Variants in SMOC1 observed in about 807,000 individuals in gnomAD.
The protein encoded by SMOC1 is SPARC related modular calcium binding 1, also known as SPARC-related modular calcium-binding protein 1.
Under a neutral mutation model 56.3 loss-of-function variants are expected in SMOC1, and 22 were observed. The observed-to-expected ratio is 0.39, with a 90% CI of 0.28 to 0.56. The LOEUF is 0.56. Among genes scored for constraint, SMOC1 ranks in the 20% least tolerant of loss-of-function variants. The pLI is 0.61. For missense variants in SMOC1, 509 were observed against 565.4 expected (o/e 0.90, Z 1.01); for synonymous variants, 193 against 215.0 (o/e 0.90, Z 0.89).
intron 10 of SMOC1, among the ~76,000 whole-genome samples, chr14:70,022,530 T>A (rs1732068103): frequency 6.6e-6 from 1 of 152,226 alleles, no homozygotes; most frequent in Non-Finnish European, 1.5e-5. Context: ...CCCCAGTAGG[T>A]CCCGGCTTTT....
intron 1 of SMOC1, among the ~76,000 whole-genome samples, chr14:69,899,964 G>A (rs1884199316): frequency 6.6e-6 from 1 of 152,212 alleles, no homozygotes; most frequent in African/African-American, 2.4e-5. Context: ...AATGAGAATT[G>A]TTGATTTTCA....
At chr14:69,981,958 G>C (rs1338478909) in intron 5 of SMOC1, among the ~76,000 whole-genome samples, 4 of 152,156 alleles carry the variant, frequency 2.6e-5, no homozygotes, top group Non-Finnish European at 5.9e-5. Flanking sequence ...AGCCTCTGGT[G>C]GGGTGAAGGG....
At chr14:70,005,569 T>A (rs1012603155) in intron 7 of SMOC1, among the ~76,000 whole-genome samples, 2 of 152,160 alleles carry the variant, frequency 1.3e-5, no homozygotes, top group Non-Finnish European at 2.9e-5. Flanking sequence ...GTGGACATGG[T>A]TTCACTTCTA....
intron 7 of SMOC1, among the ~76,000 whole-genome samples, chr14:70,005,512 T>A (rs1015344620): frequency 2.0e-5 from 3 of 152,228 alleles, no homozygotes; most frequent in Non-Finnish European, 2.9e-5. Context: ...TTCTTTGCTA[T>A]GTGCAATTAG....
At chr14:69,941,162 G>A (rs1882545254) in intron 1 of SMOC1, among the ~76,000 whole-genome samples, 1 of 152,122 alleles carries the variant, frequency 6.6e-6, no homozygotes, top group African/African-American at 2.4e-5. Context: ...ACCTAGCCTC[G>A]TGGAAGTCCT....
chr14:70,011,033 G>T, intron 8 of SMOC1, 87 bp downstream of exon 8: 1 of 1,486,646 alleles, frequency 6.7e-7, no homozygotes, highest in Non-Finnish European at 9.3e-7. Flanking sequence ...GCCCTGGTCT[G>T]GTGGGAGATG....
chr14:69,945,152 T>C (rs992136654), intron 1 of SMOC1, among the ~76,000 whole-genome samples: 1 of 152,192 alleles, frequency 6.6e-6, no homozygotes, highest in Non-Finnish European at 1.5e-5. Flanking sequence ...CTGAACAAAC[T>C]TTTTTGGTAA....
intron 5 of SMOC1, among the ~76,000 whole-genome samples, chr14:69,980,067 G>A (rs556259527): frequency 3.9e-4 from 60 of 152,304 alleles, no homozygotes; most frequent in African/African-American, 1.4e-3. Context: ...CTGGAAGTGG[G>A]GGGGTGAGGG....
chr14:69,984,374 G>A (rs1459599601), intron 5 of SMOC1, among the ~76,000 whole-genome samples: 1 of 152,092 alleles, frequency 6.6e-6, no homozygotes, highest in East Asian at 1.9e-4. Context: ...ACATAATCTA[G>A]AAGATAATAT....
chr14:69,978,600 A>G (rs1468363037), intron 5 of SMOC1, among the ~76,000 whole-genome samples: 2 of 152,192 alleles, frequency 1.3e-5, no homozygotes, highest in African/African-American at 4.8e-5. Context: ...TGTGAGGTGT[A>G]CTATGTGGCT....
chr14:69,957,098 T>C (rs955941618), intron 3 of SMOC1, among the ~76,000 whole-genome samples: 2 of 152,234 alleles, frequency 1.3e-5, no homozygotes, highest in Non-Finnish European at 2.9e-5. Context: ...TTTTCTGTTC[T>C]GGGTATCTGG....
intron 1 of SMOC1, among the ~76,000 whole-genome samples, chr14:69,918,489 A>G (rs9323531): frequency 0.1 from 15,613 of 152,128 alleles, 843 homozygotes; most frequent in South Asian, 0.18. Flanking sequence ...TGGCCTCCCC[A>G]AGTGCTAGGA....
intron 11 of SMOC1, among the ~76,000 whole-genome samples, chr14:70,027,264 A>C: frequency 6.6e-6 from 1 of 152,360 alleles, no homozygotes; most frequent in Non-Finnish European, 1.5e-5. Context: ...GCCCAGCCTC[A>C]GGATTCCTGG....
At chr14:69,920,177 G>A (rs1884799484) in intron 1 of SMOC1, among the ~76,000 whole-genome samples, 1 of 152,178 alleles carries the variant, frequency 6.6e-6, no homozygotes, top group Non-Finnish European at 1.5e-5. Context: ...AGCCAATGAA[G>A]CCCAAAAGCT....
At chr14:69,920,640 C>A (rs993362932) in intron 1 of SMOC1, among the ~76,000 whole-genome samples, 2 of 152,208 alleles carry the variant, frequency 1.3e-5, no homozygotes, top group African/African-American at 4.8e-5. Flanking sequence ...AAAACAGTTG[C>A]TGCCATCATG....
chr14:69,989,388 G>A (rs1023422439), intron 5 of SMOC1, among the ~76,000 whole-genome samples: 1 of 152,176 alleles, frequency 6.6e-6, no homozygotes, highest in Admixed American at 6.5e-5. Context: ...AAGGTTGCTT[G>A]TTATTGAGTT....
chr14:69,906,483 C>G (rs909258484), intron 1 of SMOC1, among the ~76,000 whole-genome samples: 1 of 152,156 alleles, frequency 6.6e-6, no homozygotes, highest in Non-Finnish European at 1.5e-5. Context: ...TGATTCCTGC[C>G]CCCAGCCGTA....
chr14:70,015,461 CA>C (rs57899033), intron 10 of SMOC1, among the ~76,000 whole-genome samples: 104,669 of 150,504 alleles, frequency 0.7, 37,547 homozygotes, highest in African/African-American at 0.87. Context: ...ACAACAACAA[CA>C]AAAAAAAAAC....
At chr14:69,952,428 A>C in intron 2 of SMOC1, 125 bp downstream of exon 2, 2 of 1,110,746 alleles carry the variant, frequency 1.8e-6, no homozygotes, top group Non-Finnish European at 1.3e-6. Context: ...CTATCTCTCC[A>C]CCCCTTCCAC....
Sources: allele counts gnomAD v4.1 joint callset (sites outside exome capture counted in the v4.1 genomes callset), GRCh38; gene constraint gnomAD v4.1.1; transcripts MANE v1.5; gene names NCBI Gene and HGNC (gene_info 2026-07-23, HGNC 2026-07-21).